Variants in CPSF3 observed in about 807,000 individuals in gnomAD.
The protein encoded by CPSF3 is cleavage and polyadenylation specific factor 3, also known as cleavage and polyadenylation specificity factor subunit 3.
A neutral mutation model predicts 84.1 loss-of-function variants in CPSF3; 57 were observed. That is an observed-to-expected ratio of 0.68 (90% CI 0.55 to 0.85). The LOEUF (loss-of-function observed/expected upper bound fraction) is 0.85. Ranked by LOEUF, CPSF3 falls within the 40% of genes least tolerant of loss-of-function variation. The pLI, the probability that CPSF3 is intolerant of heterozygous loss-of-function variation, is 0.00. For missense variants in CPSF3, 522 were observed against 838.8 expected (o/e 0.62, Z 4.66); for synonymous variants, 275 against 278.1 (o/e 0.99, Z 0.11).
intron 16 of CPSF3, among the ~76,000 whole-genome samples, chr2:9,469,546 C>T (rs1682092615): frequency 1.3e-5 from 2 of 152,266 alleles, no homozygotes; most frequent in Middle Eastern, 3.4e-3. Context: ...CCTCAGGAGC[C>T]GTGGGGAGGG....
chr2:9,441,071 A>G (rs1382002705), intron 8 of CPSF3, among the ~76,000 whole-genome samples: 1 of 152,230 alleles, frequency 6.6e-6, no homozygotes, highest in Non-Finnish European at 1.5e-5. Context: ...CGTAGGCATA[A>G]AAAGTTCTGA....
intron 12 of CPSF3, among the ~76,000 whole-genome samples, chr2:9,454,635 C>T (rs13029691): frequency 0.28 from 42,150 of 149,712 alleles, 7,047 homozygotes; most frequent in Non-Finnish European, 0.38. Flanking sequence ...AGCTCCACCT[C>T]CCGGGTTCAT....
chr2:9,447,571 C>G (rs930922024), intron 10 of CPSF3, among the ~76,000 whole-genome samples: 26 of 151,854 alleles, frequency 1.7e-4, no homozygotes, highest in Admixed American at 5.9e-4. Context: ...GTCAAGAGTT[C>G]GAGACCAGCC....
intron 4 of CPSF3, 27 bp from the exon 5 acceptor site, chr2:9,432,484 T>C (rs1235691035): frequency 1.4e-6 from 2 of 1,419,962 alleles, no homozygotes; most frequent in African/African-American, 1.4e-5. Flanking sequence ...CTCTTAATTG[T>C]TTTTGCTGGC....
Position 9,429,349 on chromosome 2 carries a change from T to C in CPSF3, c.114+521T>C, listed in dbSNP as rs563422735. Among the ~76,000 whole-genome samples, 343 of 152,368 alleles carry C rather than the reference T, an allele frequency of 2.3e-3. 1 individual carries two copies. Among genetic ancestry groups the C allele is most frequent in the African/African-American group, 7.7e-3 (321 of 41,596 alleles). ...AAGTCAGTTCTGTGTCTCAGATTCCTTTGATTCCTCTTTCTTCTCAACTCC... is the reference window on the plus strand; with the variant it reads ...AAGTCAGTTCTGTGTCTCAGATTCCCTTGATTCCTCTTTCTTCTCAACTCC... On this transcript the variant is annotated intron_variant, in intron 2 of 17. Transcript: ENST00000238112.
chr2:9,455,289 C>T (rs73154797), intron 12 of CPSF3, among the ~76,000 whole-genome samples: 5,666 of 152,206 alleles, frequency 0.037, 353 homozygotes, highest in African/African-American at 0.13. Context: ...GCATGCGCTA[C>T]CACGCCTAGC....
chr2:9,441,731 T>TA, intron 8 of CPSF3, 87 bp from the exon 9 acceptor site: 1 of 1,338,068 alleles, frequency 7.5e-7, no homozygotes, highest in African/African-American at 1.4e-5. Flanking sequence ...ATTAATCTCT[T>TA]AGCCTTTTGT....
At chr2:9,426,688 G>A (rs1044135842) in intron 1 of CPSF3, among the ~76,000 whole-genome samples, 1 of 152,110 alleles carries the variant, frequency 6.6e-6, no homozygotes, top group Admixed American at 6.5e-5. Flanking sequence ...GAGAGCATCA[G>A]GTCAGAGAAG....
intron 8 of CPSF3, 38 bp downstream of exon 8, chr2:9,440,704 C>T (rs761565611): frequency 4.4e-6 from 7 of 1,604,352 alleles, no homozygotes; most frequent in Non-Finnish European, 6.0e-6. Flanking sequence ...ATGGATAAAA[C>T]CAAATCAGTC....
intron 10 of CPSF3, among the ~76,000 whole-genome samples, chr2:9,445,715 A>C (rs1184144443): frequency 1.3e-5 from 2 of 152,032 alleles, no homozygotes; most frequent in Non-Finnish European, 2.9e-5. Context: ...TGGTGTCACC[A>C]CCTCATCCTC....
intron 1 of CPSF3, chr2:9,424,206 G>C: frequency 9.8e-7 from 1 of 1,020,174 alleles, no homozygotes; most frequent in Non-Finnish European, 1.2e-6. Context: ...AGGATGAGAG[G>C]AGGACCTGAA....
At chr2:9,466,331 C>T (rs1306100560) in intron 15 of CPSF3, among the ~76,000 whole-genome samples, 5 of 61,304 alleles carry the variant, frequency 8.2e-5, no homozygotes, top group African/African-American at 2.7e-4. Flanking sequence ...CACACAGACG[C>T]ACGCACACAC....
intron 16 of CPSF3, among the ~76,000 whole-genome samples, chr2:9,470,493 G>A (rs560238594): frequency 2.0e-5 from 3 of 152,326 alleles, no homozygotes; most frequent in South Asian, 4.1e-4. Flanking sequence ...CAATGGGGAC[G>A]ATGTTGAAAT....
At chr2:9,455,231 G>A (rs1050571824) in intron 12 of CPSF3, among the ~76,000 whole-genome samples, 3 of 151,934 alleles carry the variant, frequency 2.0e-5, no homozygotes, top group Non-Finnish European at 2.9e-5. Context: ...CTGCCTCCTG[G>A]GTTCAAGCAA....
chr2:9,441,047 C>G (rs1273016486), intron 8 of CPSF3, among the ~76,000 whole-genome samples: 1 of 152,204 alleles, frequency 6.6e-6, no homozygotes, highest in Non-Finnish European at 1.5e-5. Flanking sequence ...ATTTATAATA[C>G]TCATCTCTTT....
intron 10 of CPSF3, among the ~76,000 whole-genome samples, chr2:9,447,559 G>A (rs188979469): frequency 6.6e-6 from 1 of 152,042 alleles, no homozygotes; most frequent in Non-Finnish European, 1.5e-5. Context: ...GCCAAGGTGG[G>A]TGTCAAGAGT....
chr2:9,433,038 A>G (rs978178735), intron 5 of CPSF3, among the ~76,000 whole-genome samples: 12 of 152,342 alleles, frequency 7.9e-5, no homozygotes, highest in Non-Finnish European at 1.2e-4. Context: ...TTAAAACACA[A>G]TTTGATATTC....
intron 7 of CPSF3, 101 bp from the exon 8 acceptor site, chr2:9,440,390 G>T: frequency 3.2e-6 from 3 of 933,934 alleles, no homozygotes; most frequent in South Asian, 1.8e-5. Flanking sequence ...TTATTTCTTG[G>T]TTGTATGTGT....
chr2:9,434,039 C>T, intron 6 of CPSF3, 79 bp downstream of exon 6: 3 of 807,208 alleles, frequency 3.7e-6, no homozygotes. Flanking sequence ...ACTGTGATCT[C>T]ACTTTCATAA....
Sources: allele counts gnomAD v4.1 joint callset (sites outside exome capture counted in the v4.1 genomes callset), GRCh38; gene constraint gnomAD v4.1.1; transcripts MANE v1.5; gene names NCBI Gene and HGNC (gene_info 2026-07-23, HGNC 2026-07-21).